The following MCTP2 variants were observed in gnomAD, a reference collection of about 807,000 sequenced individuals.
MCTP2 encodes the protein multiple C2 and transmembrane domain containing 2.
In MCTP2, 132 loss-of-function variants were observed where a neutral mutation model predicts 111.6. The ratio of observed to expected loss-of-function variants is 1.18; its 90% CI spans 1.03 to 1.37. The LOEUF is 1.37. Among genes scored for constraint, MCTP2 ranks in the 40% most tolerant of loss-of-function variants. The pLI, the probability that MCTP2 is intolerant of heterozygous loss-of-function variation, is 0.00. For missense variants in MCTP2, 1,183 were observed against 1,067.9 expected (o/e 1.11, Z -1.50); for synonymous variants, 395 against 387.7 (o/e 1.02, Z -0.22).
chr15:94,286,994 A>G (rs757367789), intron 1 of MCTP2, among the ~76,000 whole-genome samples: 4 of 152,254 alleles, frequency 2.6e-5, no homozygotes, highest in Non-Finnish European at 5.9e-5. Flanking sequence ...GTTTATGACA[A>G]TAACCTATGA....
chr15:94,396,591 A>G (rs1417064347), intron 14 of MCTP2, among the ~76,000 whole-genome samples: 8 of 152,118 alleles, frequency 5.3e-5, no homozygotes, highest in Non-Finnish European at 1.2e-4. Flanking sequence ...AAATATTTTT[A>G]AAAGTAGTCT....
At chr15:94,407,550 G>T (rs1226554834) in intron 17 of MCTP2, among the ~76,000 whole-genome samples, 1 of 152,018 alleles carries the variant, frequency 6.6e-6, no homozygotes, top group East Asian at 1.9e-4. Context: ...AGTTGACAAG[G>T]ACTGAAATAT....
intron 8 of MCTP2, among the ~76,000 whole-genome samples, 181 bp downstream of exon 8, chr15:94,345,345 G>A (rs150833683): frequency 5.9e-5 from 8 of 134,560 alleles, no homozygotes; most frequent in African/African-American, 2.1e-4. Flanking sequence ...TAAGGGTATT[G>A]CCAGATGTTT....
chr15:94,237,764 C>T (rs2070673208), intron 1 of MCTP2, among the ~76,000 whole-genome samples: 1 of 152,118 alleles, frequency 6.6e-6, no homozygotes. Flanking sequence ...AAGAGTCTAG[C>T]ACCTTTTAAG....
chr15:94,256,271 T>A (rs1296811918), intron 1 of MCTP2, among the ~76,000 whole-genome samples: 1 of 152,162 alleles, frequency 6.6e-6, no homozygotes, highest in Non-Finnish European at 1.5e-5. Context: ...TAATTTAGTG[T>A]TTAGACTTGG....
chr15:94,314,314 T>G lies in MCTP2; in HGVS notation c.498T>G (p.Ser166=). 1.2e-6 allele frequency: 2 copies of G among 1,610,180 alleles called. No individual in the cohort carries two copies. Among genetic ancestry groups the G allele is most frequent in the Non-Finnish European group, 1.7e-6 (2 of 1,178,584 alleles). Residue 166 remains serine, a synonymous_variant, in exon 3 of 23, where the codon TCT becomes TCG. Transcript: ENST00000357742. ...KLCGSSDLNA[S]MTSQHFEEQS... ...GTGGAAGCAGTGACCTGAATGCTTC[T>G]ATGACATCTCAACATTTTGAAGAAC...
rs934113681 is a variant in MCTP2, at chr15:94,482,637, A to C, written c.*3603A>C. ...TATATAGTTCTCAGAGAAGTAACACACTGTACTTGAGATGTACACAAGTTA... is the reference window on the plus strand; with the variant it reads ...TATATAGTTCTCAGAGAAGTAACACCCTGTACTTGAGATGTACACAAGTTA... On this transcript the variant is annotated 3_prime_UTR_variant, in exon 23 of 23. Coordinates refer to ENST00000357742, the MANE Select transcript of MCTP2 (RefSeq NM_001385001.1). The C allele has an allele frequency of 1.3e-5, 2 of 152,248 alleles. No individual in the cohort carries two copies. Among genetic ancestry groups the C allele is most frequent in the African/African-American group, 4.8e-5 (2 of 41,464 alleles). 9.4% of individuals were successfully genotyped at this position (152,248 alleles called of 1,614,324 possible).
At chr15:94,297,229 C>T (rs1026758279) in intron 1 of MCTP2, among the ~76,000 whole-genome samples, 2 of 152,100 alleles carry the variant, frequency 1.3e-5, no homozygotes, top group African/African-American at 2.4e-5. Context: ...TGATTTGATC[C>T]GTGATGAGTT....
At chr15:94,313,562 G>A (rs575911114) in intron 2 of MCTP2, among the ~76,000 whole-genome samples, 45 of 152,150 alleles carry the variant, frequency 3.0e-4, no homozygotes, top group African/African-American at 1.0e-3. Context: ...TTATCCAGGC[G>A]TTGTTACAGG....
rs1298065515 is a variant in MCTP2, at chr15:94,483,460, C to A, written c.*4426C>A. The A allele has an allele frequency of 6.6e-6, 1 of 152,106 alleles. No homozygotes were observed. The highest frequency in any genetic ancestry group is 1.5e-5 in the Non-Finnish European group (1 of 68,016). 9.4% of individuals were successfully genotyped at this position (152,106 alleles called of 1,614,324 possible). A position where few individuals can be genotyped will look rare whatever the true frequency, so the allele number is the denominator to read the frequency against. ...AAAGACACTGGATCAGTCTAAATGC[C>A]CATCATTGATAGAATGGATAAAGAA... On this transcript the variant is annotated 3_prime_UTR_variant, in exon 23 of 23. Transcript: ENST00000357742.
intron 1 of MCTP2, among the ~76,000 whole-genome samples, chr15:94,259,618 A>G (rs1038120486): frequency 9.9e-5 from 15 of 152,198 alleles, no homozygotes; most frequent in Admixed American, 8.5e-4. Flanking sequence ...CATTTAGGGT[A>G]TTGTGTAATA....
intron 1 of MCTP2, among the ~76,000 whole-genome samples, chr15:94,260,708 T>A (rs958161109): frequency 6.6e-6 from 1 of 152,144 alleles, no homozygotes; most frequent in Non-Finnish European, 1.5e-5. Context: ...AGTTTCAAAA[T>A]GTTAATTTGA....
At chr15:94,367,489 A>T in intron 10 of MCTP2, 116 bp from the exon 11 acceptor site, 2 of 789,512 alleles carry the variant, frequency 2.5e-6, no homozygotes, top group Non-Finnish European at 4.1e-6. Context: ...AATAAACCTA[A>T]GACCAGACAG....
chr15:94,434,857 C>CTTT (rs751539621), intron 17 of MCTP2, among the ~76,000 whole-genome samples: 1 of 139,052 alleles, frequency 7.2e-6, no homozygotes, highest in African/African-American at 2.7e-5. Flanking sequence ...TTCTTTCTTT[C>CTTT]TTTTTTTTTT....
intron 17 of MCTP2, among the ~76,000 whole-genome samples, chr15:94,421,624 G>T (rs921230204): frequency 2.0e-5 from 3 of 152,142 alleles, no homozygotes; most frequent in Non-Finnish European, 4.4e-5. Context: ...AGGGAAGATC[G>T]TTGAGTTCTC....
chr15:94,268,556 C>A (rs998498771), intron 1 of MCTP2, among the ~76,000 whole-genome samples: 42 of 151,872 alleles, frequency 2.8e-4, no homozygotes, highest in Admixed American at 1.8e-3. Context: ...GGAAAGTGTC[C>A]CCTTCTTGTT....
At chr15:94,391,249 T>C (rs961320010) in intron 14 of MCTP2, among the ~76,000 whole-genome samples, 11 of 152,198 alleles carry the variant, frequency 7.2e-5, no homozygotes, top group African/African-American at 2.4e-4. Context: ...ACCAAATAAA[T>C]GCCATGTGTA....
chr15:94,385,160 C>T (rs1191072390), intron 13 of MCTP2, among the ~76,000 whole-genome samples: 3 of 152,146 alleles, frequency 2.0e-5, no homozygotes, highest in Admixed American at 6.5e-5. Flanking sequence ...CTTTGAAAGT[C>T]CTACCCTTGA....
At chr15:94,427,629 G>A (rs757221317) in intron 17 of MCTP2, among the ~76,000 whole-genome samples, 1 of 152,132 alleles carries the variant, frequency 6.6e-6, no homozygotes, top group Non-Finnish European at 1.5e-5. Context: ...CCCGACACGT[G>A]GGGATTACAA....
Sources: allele counts gnomAD v4.1 joint callset (sites outside exome capture counted in the v4.1 genomes callset), GRCh38; gene constraint gnomAD v4.1.1; transcripts MANE v1.5; gene names NCBI Gene and HGNC (gene_info 2026-07-23, HGNC 2026-07-21).